NIPSNAP2: variants seen among roughly 807,000 people sequenced by gnomAD.
NIPSNAP2 encodes protein NipSnap homolog 2.
NIPSNAP2 carries 42 observed loss-of-function variants against 48.4 expected under a neutral mutation model. The ratio of observed to expected loss-of-function variants is 0.87; its 90% CI spans 0.68 to 1.12. The LOEUF is 1.12. NIPSNAP2 is among the 50% of genes most tolerant of loss of function. The pLI is 0.00. For missense variants in NIPSNAP2, 314 were observed against 347.3 expected (o/e 0.90, Z 0.76); for synonymous variants, 158 against 126.6 (o/e 1.25, Z -1.67).
Position 55,996,235 on chromosome 7 carries a change from G to A in NIPSNAP2, c.713-1131G>A, listed in dbSNP as rs543924823. Among the ~76,000 whole-genome samples, 254 of 148,996 alleles carry A rather than the reference G, an allele frequency of 1.7e-3. 1 individual carries two copies. Among genetic ancestry groups the A allele is most frequent in the Middle Eastern group, 3.5e-3 (1 of 286 alleles). On this transcript the variant is annotated intron_variant, in intron 8 of 9. Coordinates refer to ENST00000322090, the MANE Select transcript of NIPSNAP2 (RefSeq NM_001483.3). ...CAAGAGGCGGAGGTTGCAGTGAGCC[G>A]AGATCGCACCACTGCATTCCAACTT...
chr7:55,989,731 T>C (rs1787405093), intron 7 of NIPSNAP2, among the ~76,000 whole-genome samples: 2 of 152,122 alleles, frequency 1.3e-5, no homozygotes, highest in South Asian at 2.1e-4. Flanking sequence ...CTAGTGACAT[T>C]TAGGGTTCTG....
chr7:55,994,415 A>G (rs915804072), intron 7 of NIPSNAP2, among the ~76,000 whole-genome samples: 5 of 152,244 alleles, frequency 3.3e-5, no homozygotes, highest in African/African-American at 4.8e-5. Context: ...TTTCATATAC[A>G]TTAAAATGAC....
chr7:55,997,241 A>G (rs373827845), intron 8 of NIPSNAP2, 125 bp from the exon 9 acceptor site: 3 of 681,362 alleles, frequency 4.4e-6, no homozygotes, highest in African/African-American at 3.6e-5. Context: ...AGCCCAGTAT[A>G]TTACACACCT....
intron 1 of NIPSNAP2, among the ~76,000 whole-genome samples, chr7:55,968,510 C>T (rs752202538): frequency 6.6e-6 from 1 of 151,812 alleles, no homozygotes; most frequent in African/African-American, 2.4e-5. Flanking sequence ...CTCAGCCTCC[C>T]GATTAGCTGG....
chr7:55,991,561 AC>A (rs1207650544), intron 7 of NIPSNAP2, among the ~76,000 whole-genome samples: 1 of 151,992 alleles, frequency 6.6e-6, no homozygotes, highest in Non-Finnish European at 1.5e-5. Context: ...AGCCTGACCA[AC>A]ATGGAGAAAC....
In NIPSNAP2 at chr7:55,978,120, C is replaced by T; in HGVS notation, c.93-6C>T. 6.2e-7 allele frequency: 1 copy of T among 1,613,962 alleles called. No individual in the cohort carries two copies. Among genetic ancestry groups the T allele is most frequent in the Admixed American group, 1.7e-5 (1 of 59,982 alleles). Reference sequence around the variant, plus strand: ...ACTGCGTGACAACACCTTTGTTATTCCATAGGACATGGACATCTTCCAGCA... The same window carrying T: ...ACTGCGTGACAACACCTTTGTTATTTCATAGGACATGGACATCTTCCAGCA... On this transcript the variant is annotated splice_region_variant and splice_polypyrimidine_tract_variant and intron_variant, in intron 1 of 9. Transcript: ENST00000322090.
chr7:55,983,191 A>G lies in NIPSNAP2; in HGVS notation c.445-537A>G, dbSNP rs183204699. Among the ~76,000 whole-genome samples, 9 of 152,308 alleles carry G rather than the reference A, an allele frequency of 5.9e-5. 1 individual carries two copies. Among genetic ancestry groups the G allele is most frequent in the Admixed American group, 2.0e-4 (3 of 15,300 alleles). On this transcript the variant is annotated intron_variant, in intron 5 of 9. Transcript: ENST00000322090. ...TGTATCAATCAGCATGGCAGGCACA[A>G]TTAGCTCTGGATGACCTAAAACTGT... is the stretch of plus-strand genomic sequence containing the variant.
chr7:55,990,482 C>T (rs1584349752), intron 7 of NIPSNAP2, among the ~76,000 whole-genome samples: 1 of 152,260 alleles, frequency 6.6e-6, no homozygotes, highest in Middle Eastern at 3.4e-3. Context: ...CCGCCTGCCT[C>T]GGCCTCCCGA....
chr7:55,978,594 C>T (rs1476616193), intron 3 of NIPSNAP2, 199 bp downstream of exon 3: 1 of 572,718 alleles, frequency 1.7e-6, no homozygotes, highest in Non-Finnish European at 3.1e-6. Flanking sequence ...GCTAAATCAT[C>T]ATATAGGCTA....
intron 1 of NIPSNAP2, among the ~76,000 whole-genome samples, chr7:55,971,014 T>C (rs1787006016): frequency 6.6e-6 from 1 of 152,178 alleles, no homozygotes. Flanking sequence ...GGTTTATCTT[T>C]GTATCCATAG....
chr7:55,995,607 G>C lies in NIPSNAP2; in HGVS notation c.712+619G>C, dbSNP rs142700650. 7.7e-3 allele frequency among the ~76,000 whole-genome samples: 1,176 copies of C among 152,308 alleles called. 12 individuals are homozygous for C. Among genetic ancestry groups the C allele is most frequent in the African/African-American group, 0.026 (1,067 of 41,560 alleles). ...TGGTGTGCAACCCTCCCAGGCATGT[G>C]AATAAGCACAGGTGCTAGAAGGGCA... On this transcript the variant is annotated intron_variant, in intron 8 of 9. Transcript: ENST00000322090.
At position 55,983,725 on chromosome 7, in the gene NIPSNAP2, A is replaced by G. The variant is rs1404100711; in HGVS notation, c.445-3A>G. On this transcript the variant is annotated splice_polypyrimidine_tract_variant and splice_region_variant and intron_variant, in intron 5 of 9. Transcript: ENST00000322090. ...TTCATGAGCACATTTTTTTCACTCAAAGGAATTTTTGGAATTTCGTAAGGC... is the reference window on the plus strand; with the variant it reads ...TTCATGAGCACATTTTTTTCACTCAGAGGAATTTTTGGAATTTCGTAAGGC... 1 of 1,612,694 alleles carries G rather than the reference A, an allele frequency of 6.2e-7. No individual in the cohort carries two copies. The highest frequency in any genetic ancestry group is 8.5e-7 in the Non-Finnish European group (1 of 1,179,692).
In NIPSNAP2 at chr7:55,978,463, A is replaced by C. The variant is rs1584343029; in HGVS notation, c.278+68A>C. On this transcript the variant is annotated intron_variant, in intron 3 of 9. Coordinates refer to ENST00000322090, the MANE Select transcript of NIPSNAP2 (RefSeq NM_001483.3). ...CTTTATTTGTTAGTTAATTCCACTA[A>C]CACTTGATAGCATAGAGAGAGATCT... 3.1e-6 allele frequency: 4 copies of C among 1,300,800 alleles called. No homozygotes were observed. The East Asian group carries it at 9.4e-5, about 30-fold the overall frequency. The allele number at this position is 1,300,800 out of a possible 1,614,324, so 80.6% of individuals were successfully genotyped here. A position where few individuals can be genotyped will look rare whatever the true frequency, so the allele number is the denominator to read the frequency against.
At chr7:55,973,457 A>ATTTAT (rs997785964) in intron 1 of NIPSNAP2, among the ~76,000 whole-genome samples, 4 of 151,234 alleles carry the variant, frequency 2.6e-5, no homozygotes, top group South Asian at 2.1e-4. Flanking sequence ...TTTATTTTTA[A>ATTTAT]TTTATTTTAT....
At chr7:55,971,004 G>A (rs148530462) in intron 1 of NIPSNAP2, among the ~76,000 whole-genome samples, 37 of 152,262 alleles carry the variant, frequency 2.4e-4, no homozygotes, top group African/African-American at 8.2e-4. Flanking sequence ...CTTGGCATCT[G>A]GTTTATCTTT....
chr7:55,997,552 G>A (rs532566056), intron 9 of NIPSNAP2, 103 bp downstream of exon 9: 101 of 851,662 alleles, frequency 1.2e-4, no homozygotes, highest in Non-Finnish European at 1.7e-4. Context: ...TATGTTGCTA[G>A]GATAGTGAGT....
intron 9 of NIPSNAP2, among the ~76,000 whole-genome samples, 186 bp from the exon 10 acceptor site, chr7:55,998,822 T>G (rs1315724750): frequency 6.6e-6 from 1 of 152,142 alleles, no homozygotes; most frequent in Non-Finnish European, 1.5e-5. Context: ...TAGCATCTTG[T>G]AGGATGGCAG....
At chr7:55,969,610 C>T (rs2116329131) in intron 1 of NIPSNAP2, among the ~76,000 whole-genome samples, 1 of 152,304 alleles carries the variant, frequency 6.6e-6, no homozygotes, top group African/African-American at 2.4e-5. Flanking sequence ...CACCAGCAAA[C>T]TGAGCTCCCG....
intron 1 of NIPSNAP2, among the ~76,000 whole-genome samples, chr7:55,970,497 A>T (rs1212975903): frequency 6.6e-6 from 1 of 151,770 alleles, no homozygotes; most frequent in African/African-American, 2.4e-5. Flanking sequence ...TTTTTAGTAG[A>T]GACAGGGTTT....
Sources: gnomAD v4.1 joint callset for allele counts (sites outside exome capture counted in the v4.1 genomes callset) on GRCh38, gnomAD v4.1.1 for gene constraint, MANE v1.5 for transcripts, NCBI Gene and HGNC (gene_info 2026-07-23, HGNC 2026-07-21) for gene names.